STK10: variants seen among roughly 807,000 people sequenced by gnomAD.
The protein encoded by STK10 is serine/threonine kinase 10, also known as serine/threonine-protein kinase 10.
A neutral mutation model predicts 113.8 loss-of-function variants in STK10; 78 were observed. The ratio of observed to expected loss-of-function variants is 0.69; its 90% CI spans 0.57 to 0.83. STK10 has a LOEUF of 0.83. Among genes scored for constraint, STK10 ranks in the 40% least tolerant of loss-of-function variants. STK10 has a pLI of 0.00. For missense variants in STK10, 1,109 were observed against 1,280.1 expected (o/e 0.87, Z 2.04); for synonymous variants, 465 against 494.7 (o/e 0.94, Z 0.80).
In STK10 at chr5:172,055,772, C is replaced by T. The variant is rs992738851; in HGVS notation, c.2342G>A (p.Arg781Gln). Residue 781 changes from arginine to glutamine, a missense_variant, in exon 16 of 19, where the codon CGG becomes CAG. By Grantham distance (43) the Arg-to-Gln change is conservative. Coordinates refer to ENST00000176763, the MANE Select transcript of STK10 (RefSeq NM_005990.4). ...CTGGTTGTAGCGCTGCATCTGCTCCCGCTCCTGGAGAGGAATATCCAGAGG... is the reference window on the plus strand; with the variant it reads ...CTGGTTGTAGCGCTGCATCTGCTCCTGCTCCTGGAGAGGAATATCCAGAGG... ...HELLRKHEKEREQMQRYNQRM... is the reference protein window; with the variant it reads ...HELLRKHEKEQEQMQRYNQRM... The T allele has an allele frequency of 4.7e-6, 7 of 1,488,374 alleles. No individual in the cohort carries two copies. The highest frequency in any genetic ancestry group is 4.5e-6 in the Non-Finnish European group (5 of 1,109,076). The allele number at this position is 1,488,374 out of a possible 1,614,324, so 92.2% of individuals were successfully genotyped here.
intron 13 of STK10, chr5:172,064,503 C>A: frequency 1.7e-6 from 1 of 597,498 alleles, no homozygotes; most frequent in Non-Finnish European, 3.0e-6. Context: ...TTGGGGTATC[C>A]AGAGATGGAA....
chr5:172,185,001 G>A (rs1770927718), intron 1 of STK10, among the ~76,000 whole-genome samples: 1 of 152,010 alleles, frequency 6.6e-6, no homozygotes, highest in Non-Finnish European at 1.5e-5. Flanking sequence ...CACGTGCTTT[G>A]GAGAACCAAG....
chr5:172,162,849 TG>T lies in STK10; in HGVS notation c.157-6062del, dbSNP rs1255973930. Among the ~76,000 whole-genome samples the T allele has an allele frequency of 6.6e-5, 10 of 152,302 alleles. No homozygotes were observed. The East Asian group carries it at 1.5e-3, about 24-fold the overall frequency. On this transcript the variant is annotated intron_variant, in intron 1 of 18. Transcript: ENST00000176763. ...CTCCTGATGGTGGAGGAGGCCCAGG[TG>T]GGGACCATTTTCCAGGAGTGCACAA...
intron 12 of STK10, among the ~76,000 whole-genome samples, chr5:172,078,491 C>T (rs911286343): frequency 6.6e-6 from 1 of 151,562 alleles, no homozygotes; most frequent in Non-Finnish European, 1.5e-5. Flanking sequence ...CCTATTCCTA[C>T]AAAAATTTTT....
Position 172,157,744 on chromosome 5 carries a change from C to T in STK10, c.157-956G>A, listed in dbSNP as rs114860086. ...GAACTGGAACTACAGATGTGCACCA[C>T]CACGCCTGGCTAAATTTTGTGTTTT... On this transcript the variant is annotated intron_variant, in intron 1 of 18. Coordinates refer to ENST00000176763, the MANE Select transcript of STK10 (RefSeq NM_005990.4). Among the ~76,000 whole-genome samples the T allele has an allele frequency of 5.8e-3, 883 of 151,996 alleles. 5 individuals carry two copies. The highest frequency in any genetic ancestry group is 0.01 in the Non-Finnish European group (711 of 67,978).
chr5:172,050,699 T>C (rs955475732), intron 18 of STK10, among the ~76,000 whole-genome samples: 10 of 151,972 alleles, frequency 6.6e-5, no homozygotes, highest in Non-Finnish European at 1.0e-4. Flanking sequence ...AGCCTGAACT[T>C]GACAGCTTCT....
At chr5:172,084,261 G>A (rs1317912240) in intron 10 of STK10, among the ~76,000 whole-genome samples, 3 of 151,900 alleles carry the variant, frequency 2.0e-5, no homozygotes, top group African/African-American at 4.8e-5. Context: ...TTAGCTGGGT[G>A]TGGTGGTGCA....
chr5:172,051,237 T>C (rs1767619574), intron 18 of STK10, among the ~76,000 whole-genome samples: 1 of 152,146 alleles, frequency 6.6e-6, no homozygotes, highest in African/African-American at 2.4e-5. Context: ...TTATACAATA[T>C]TTAAAAAAAA....
chr5:172,059,454 A>G (rs1156595826), intron 14 of STK10, among the ~76,000 whole-genome samples: 1 of 147,478 alleles, frequency 6.8e-6, no homozygotes, highest in East Asian at 1.9e-4. Flanking sequence ...AAAAAAAAAA[A>G]AAGCTCAAAC....
intron 7 of STK10, among the ~76,000 whole-genome samples, chr5:172,099,234 C>G (rs1404871577): frequency 6.6e-6 from 1 of 152,124 alleles, no homozygotes; most frequent in Non-Finnish European, 1.5e-5. Context: ...GCAGGAGCAG[C>G]AGCACAATCA....
chr5:172,183,241 C>T (rs533418855), intron 1 of STK10, among the ~76,000 whole-genome samples: 3 of 152,176 alleles, frequency 2.0e-5, no homozygotes, highest in Non-Finnish European at 2.9e-5. Context: ...AAAATCATCT[C>T]AGCCTGCTAA....
Position 172,105,735 on chromosome 5 carries a change from G to A in STK10, c.791C>T (p.Ser264Phe). ...PPTLLTPSKW[S>F]VEFRDFLKIA... The stretch of plus-strand genomic sequence containing the variant: ...CTTCAGGAAGTCACGGAACTCTACA[G>A]ACCTGGGAGGACAGGCGTCAGAGGT... Residue 264 changes from serine (S) to phenylalanine (F), a missense_variant and splice_region_variant, in exon 7 of 19, where the codon TCT becomes TTT. By Grantham distance (155) the Ser-to-Phe change is radical. Around this residue, in one of 5 missense-constraint regions of STK10, gnomAD observed 885 missense variants for 991.1 expected, o/e 0.89. Transcript: ENST00000176763. The A allele has an allele frequency of 6.2e-7, 1 of 1,613,840 alleles. No homozygotes were observed. The highest frequency in any genetic ancestry group is 8.5e-7 in the Non-Finnish European group (1 of 1,180,006).
intron 7 of STK10, among the ~76,000 whole-genome samples, chr5:172,099,160 CCCATCACCACTATCATCA>C (rs1390808780): frequency 6.6e-6 from 1 of 151,634 alleles, no homozygotes; most frequent in Non-Finnish European, 1.5e-5. Context: ...CACCATTACA[CCCATCACCACTATCATCA>C]CCATCACCAT....
intron 6 of STK10, among the ~76,000 whole-genome samples, 154 bp from the exon 7 acceptor site, chr5:172,105,891 T>C (rs1030342270): frequency 6.6e-6 from 1 of 152,176 alleles, no homozygotes; most frequent in African/African-American, 2.4e-5. Context: ...GACGCCCTTT[T>C]CATCATGGAC....
intron 1 of STK10, among the ~76,000 whole-genome samples, chr5:172,180,747 T>A (rs1398745021): frequency 1.3e-5 from 2 of 152,066 alleles, no homozygotes; most frequent in African/African-American, 4.8e-5. Flanking sequence ...AAGCAGAGGT[T>A]TCAGTGAGCT....
At chr5:172,178,511 G>A (rs769915864) in intron 1 of STK10, among the ~76,000 whole-genome samples, 5 of 152,142 alleles carry the variant, frequency 3.3e-5, no homozygotes, top group Non-Finnish European at 5.9e-5. Context: ...AGGGGAGGCC[G>A]CCTTCTTATC....
In STK10 at chr5:172,055,580, GC is replaced by G. The variant is rs780047246; in HGVS notation, c.2526+7del. 1.4e-5 allele frequency: 21 copies of G among 1,464,306 alleles called. No individual in the cohort carries two copies. Among genetic ancestry groups the G allele is most frequent in the Non-Finnish European group, 1.8e-5 (20 of 1,097,836 alleles). The allele number at this position is 1,464,306 out of a possible 1,614,324, so 90.7% of individuals were successfully genotyped here. A position where few individuals can be genotyped will look rare whatever the true frequency, so the allele number is the denominator to read the frequency against. On this transcript the variant is annotated splice_region_variant and intron_variant, in intron 16 of 18. Transcript: ENST00000176763. ...CACACTTGCAGACCCCGCAGGCCCG[GC>G]CCCCACCTGCTTGATCTTCTCACGC...
At chr5:172,145,470 G>A (rs1770067412) in intron 2 of STK10, among the ~76,000 whole-genome samples, 1 of 152,220 alleles carries the variant, frequency 6.6e-6, no homozygotes, top group Non-Finnish European at 1.5e-5. Flanking sequence ...TGGGGCGGTG[G>A]CCACTGCAGG....
At chr5:172,176,854 T>A (rs1258432559) in intron 1 of STK10, among the ~76,000 whole-genome samples, 1 of 152,076 alleles carries the variant, frequency 6.6e-6, no homozygotes, top group East Asian at 1.9e-4. Context: ...AATGATTAGG[T>A]CTTAATGAGA....
Sources: gnomAD v4.1 joint callset for allele counts (sites outside exome capture counted in the v4.1 genomes callset) on GRCh38, gnomAD v4.1.1 for gene constraint, gnomAD v4.1.1 regional missense constraint, MANE v1.5 for transcripts, NCBI Gene and HGNC (gene_info 2026-07-23, HGNC 2026-07-21) for gene names.